Variants in DPP10 observed in about 807,000 individuals in gnomAD.
The protein encoded by DPP10 is inactive dipeptidyl peptidase 10.
A neutral mutation model predicts 120.9 loss-of-function variants in DPP10; 33 were observed. That is an observed-to-expected ratio of 0.27 (90% CI 0.21 to 0.37). The LOEUF (loss-of-function observed/expected upper bound fraction) is 0.37, where lower values mean the gene tolerates loss of function less well. Ranked by LOEUF, DPP10 falls within the 10% of genes least tolerant of loss-of-function variation. DPP10 has a pLI of 1.00. For synonymous variants in DPP10, 337 were observed against 326.1 expected, an observed-to-expected ratio of 1.03 and a Z score of -0.36; for missense variants, 816 against 942.8, an observed-to-expected ratio of 0.87 and a Z score of 1.76.
intron 5 of DPP10, among the ~76,000 whole-genome samples, chr2:115,605,370 C>A (rs1218137442): frequency 2.6e-5 from 4 of 151,988 alleles, no homozygotes; most frequent in Non-Finnish European, 5.9e-5. Context: ...TCTTATCACC[C>A]CAGGCTATCT....
At chr2:114,915,688 T>A (rs1694752207) in intron 1 of DPP10, among the ~76,000 whole-genome samples, 1 of 152,036 alleles carries the variant, frequency 6.6e-6, no homozygotes, top group South Asian at 2.1e-4. Context: ...ACCAAGAAGA[T>A]CTCTCAAAAC....
At chr2:115,828,183 A>C (rs1358462389) in intron 21 of DPP10, among the ~76,000 whole-genome samples, 1 of 152,034 alleles carries the variant, frequency 6.6e-6, no homozygotes, top group Non-Finnish European at 1.5e-5. Flanking sequence ...CTTATTCTAT[A>C]CTGTAAAGAT....
intron 3 of DPP10, among the ~76,000 whole-genome samples, chr2:115,359,646 T>C (rs2064639237): frequency 1.3e-5 from 2 of 152,278 alleles, no homozygotes; most frequent in East Asian, 1.9e-4. Context: ...ATTTCTTGAA[T>C]TTGTGAGTTG....
chr2:115,492,812 A>T (rs1332691068), intron 3 of DPP10, among the ~76,000 whole-genome samples: 2 of 152,128 alleles, frequency 1.3e-5, no homozygotes, highest in Non-Finnish European at 2.9e-5. Flanking sequence ...GAATAAAAAA[A>T]CTCAATAAAA....
At chr2:115,348,792 A>G (rs144874103) in intron 3 of DPP10, among the ~76,000 whole-genome samples, 2 of 152,118 alleles carry the variant, frequency 1.3e-5, no homozygotes, top group African/African-American at 4.8e-5. Flanking sequence ...CCGTGCAGCT[A>G]GTGTGTCCTT....
At chr2:114,800,654 A>C (rs1327311877) in intron 1 of DPP10, among the ~76,000 whole-genome samples, 1 of 152,228 alleles carries the variant, frequency 6.6e-6, no homozygotes, top group African/African-American at 2.4e-5. Flanking sequence ...GCATTTTGCC[A>C]GCCTGATCAG....
intron 1 of DPP10, among the ~76,000 whole-genome samples, chr2:114,647,382 G>T (rs1696220297): frequency 6.6e-6 from 1 of 152,104 alleles, no homozygotes; most frequent in Admixed American, 6.5e-5. Context: ...CTCTCCAGCT[G>T]TTCTCTGTGC....
chr2:114,614,867 A>G (rs1243531776), intron 1 of DPP10, among the ~76,000 whole-genome samples: 5 of 152,202 alleles, frequency 3.3e-5, no homozygotes, highest in Admixed American at 2.0e-4. Flanking sequence ...TGCATAAATT[A>G]TCAACACAGC....
chr2:115,640,544 T>G (rs2086699994), intron 5 of DPP10, among the ~76,000 whole-genome samples: 1 of 152,124 alleles, frequency 6.6e-6, no homozygotes, highest in Non-Finnish European at 1.5e-5. Context: ...TAATATTTTT[T>G]GTCTACTTTT....
intron 1 of DPP10, among the ~76,000 whole-genome samples, chr2:114,491,532 T>C (rs1361667284): frequency 6.6e-6 from 1 of 152,200 alleles, no homozygotes; most frequent in African/African-American, 2.4e-5. Context: ...GACCCTCCAG[T>C]TTGTCACACA....
intron 3 of DPP10, among the ~76,000 whole-genome samples, chr2:115,420,168 C>G (rs1178489673): frequency 1.3e-5 from 2 of 152,130 alleles, no homozygotes; most frequent in Non-Finnish European, 2.9e-5. Context: ...TCTGGAGTTC[C>G]TGAGAGGCTC....
At chr2:115,583,334 G>A (rs548241070) in intron 5 of DPP10, among the ~76,000 whole-genome samples, 160 of 152,262 alleles carry the variant, frequency 1.1e-3, no homozygotes, top group African/African-American at 3.8e-3. Context: ...AGTTTTCTTG[G>A]GTTAGAAATT....
intron 1 of DPP10, among the ~76,000 whole-genome samples, chr2:115,233,656 T>G (rs868777803): frequency 6.6e-6 from 1 of 152,200 alleles, no homozygotes; most frequent in African/African-American, 2.4e-5. Context: ...CCCTAGAGTT[T>G]CCTGGAATGA....
At chr2:115,003,176 T>TAAAAAAAAAAAAAAAAAAAAAAAAAA (rs140794959) in intron 1 of DPP10, among the ~76,000 whole-genome samples, 2 of 134,396 alleles carry the variant, frequency 1.5e-5, no homozygotes, top group Non-Finnish European at 1.6e-5. Context: ...TATGTAGCTA[T>TAAAAAAAAAAAAAAAAAAAAAAAAAA]AAAAAAAAAA....
intron 1 of DPP10, among the ~76,000 whole-genome samples, chr2:115,284,036 C>T (rs1466754524): frequency 6.6e-6 from 1 of 151,936 alleles, no homozygotes; most frequent in Non-Finnish European, 1.5e-5. Flanking sequence ...TATCCCGGTC[C>T]TTCAGCAATA....
intron 1 of DPP10, among the ~76,000 whole-genome samples, chr2:115,003,026 A>G (rs1292496068): frequency 6.6e-6 from 1 of 151,952 alleles, no homozygotes; most frequent in Non-Finnish European, 1.5e-5. Context: ...TACTCAAAGG[A>G]CTACATATTG....
chr2:114,487,613 G>T (rs935041811), intron 1 of DPP10, among the ~76,000 whole-genome samples: 1 of 151,904 alleles, frequency 6.6e-6, no homozygotes, highest in African/African-American at 2.4e-5. Flanking sequence ...AATTTTAAAG[G>T]CCTACAGTGT....
At chr2:115,275,701 CTT>C (rs72078308) in intron 1 of DPP10, among the ~76,000 whole-genome samples, 128 of 131,834 alleles carry the variant, frequency 9.7e-4, no homozygotes, top group African/African-American at 3.2e-3. Flanking sequence ...CTTTTCTTTT[CTT>C]TTTTTTTTTT....
At position 115,079,382 on chromosome 2, in the gene DPP10, G is replaced by GAAAA. The variant is rs747822687; in HGVS notation, c.61-229853_61-229850dup. Among the ~76,000 whole-genome samples, 68 of 147,006 alleles carry GAAAA rather than the reference G, an allele frequency of 4.6e-4. 1 individual carries two copies. The highest frequency in any genetic ancestry group is 1.1e-3 in the African/African-American group (42 of 39,458). On this transcript the variant is annotated intron_variant, in intron 1 of 25. Transcript: ENST00000410059. ...CTCCGTCTCAAAAAACAAAAAAAAA[G>GAAAA]AAAAAAAGAAAATCCTTAAAAAAAT...
Sources: gnomAD v4.1 joint callset for allele counts (sites outside exome capture counted in the v4.1 genomes callset) on GRCh38, gnomAD v4.1.1 for gene constraint, MANE v1.5 for transcripts, NCBI Gene and HGNC (gene_info 2026-07-23, HGNC 2026-07-21) for gene names.